Variants in SORCS1 observed in about 807,000 individuals in gnomAD.
SORCS1 encodes VPS10 domain-containing receptor SorCS1.
Under a neutral mutation model 146.1 loss-of-function variants are expected in SORCS1, and 60 were observed. The observed-to-expected ratio is 0.41, with a 90% CI of 0.33 to 0.51. SORCS1 has a LOEUF of 0.51. Ranked by LOEUF, SORCS1 falls within the 20% of genes least tolerant of loss-of-function variation. The pLI is 0.21. For missense variants in SORCS1, 1,352 were observed against 1,487.6 expected, an observed-to-expected ratio of 0.91 and a Z score of 1.50; for synonymous variants, 637 against 584.0, an observed-to-expected ratio of 1.09 and a Z score of -1.31.
At chr10:107,082,517 G>A (rs60723369) in intron 1 of SORCS1, among the ~76,000 whole-genome samples, 29,247 of 151,110 alleles carry the variant, frequency 0.19, 3,089 homozygotes, top group African/African-American at 0.25. Flanking sequence ...ACGCTCTGTC[G>A]CACAAACTGG....
intron 1 of SORCS1, among the ~76,000 whole-genome samples, chr10:107,032,674 T>C (rs1013390582): frequency 1.3e-5 from 2 of 152,194 alleles, no homozygotes; most frequent in Non-Finnish European, 2.9e-5. Flanking sequence ...AGAGGGGTCT[T>C]GTGAGTTGGG....
chr10:106,722,937 T>C (rs1217966050), intron 6 of SORCS1, among the ~76,000 whole-genome samples: 1 of 152,234 alleles, frequency 6.6e-6, no homozygotes, highest in Non-Finnish European at 1.5e-5. Context: ...TGCATTCATC[T>C]GTTAGTGCTC....
chr10:106,588,782 A>G (rs1462382348), intron 24 of SORCS1, among the ~76,000 whole-genome samples: 3 of 146,020 alleles, frequency 2.1e-5, no homozygotes, highest in Non-Finnish European at 4.5e-5. Flanking sequence ...AATGGCGTGA[A>G]CCCAGGAGGC....
At chr10:106,821,464 T>C (rs1401421181) in intron 3 of SORCS1, among the ~76,000 whole-genome samples, 1 of 152,240 alleles carries the variant, frequency 6.6e-6, no homozygotes, top group African/African-American at 2.4e-5. Context: ...GTCAATAACA[T>C]ATAAACTTGA....
chr10:107,129,469 T>C (rs1354380961), intron 1 of SORCS1, among the ~76,000 whole-genome samples: 1 of 152,268 alleles, frequency 6.6e-6, no homozygotes, highest in Non-Finnish European at 1.5e-5. Context: ...ACTCTGTTGT[T>C]ATCAAAGGCT....
chr10:106,780,977 CTTTT>C (rs3045084), intron 3 of SORCS1, among the ~76,000 whole-genome samples: 7,259 of 146,100 alleles, frequency 0.05, 259 homozygotes, highest in East Asian at 0.11. Context: ...GTCACTTCTC[CTTTT>C]TTTTTTTTTT....
At position 107,137,881 on chromosome 10, in the gene SORCS1, T is replaced by A. The variant is rs943521088; in HGVS notation, c.558+26088A>T. On this transcript the variant is annotated intron_variant, in intron 1 of 25. Coordinates refer to ENST00000263054, the MANE Select transcript of SORCS1 (RefSeq NM_052918.5). ...CCGTCTCAAAAAAAAAAAAAAAAAA[T>A]TCAATACTGTTAATTTTATACGCTT... 1.6e-4 allele frequency among the ~76,000 whole-genome samples: 23 copies of A among 147,464 alleles called. No homozygotes were observed. The East Asian group carries it at 3.6e-3, about 23-fold the overall frequency.
chr10:106,720,597 C>T (rs562025626), intron 6 of SORCS1, among the ~76,000 whole-genome samples: 23 of 150,656 alleles, frequency 1.5e-4, no homozygotes, highest in Admixed American at 1.3e-3. Context: ...TTTTTTAAGC[C>T]GGAGCCAGAA....
intron 3 of SORCS1, among the ~76,000 whole-genome samples, chr10:106,821,889 T>C (rs1177938797): frequency 6.7e-6 from 1 of 150,350 alleles, no homozygotes; most frequent in Non-Finnish European, 1.5e-5. Flanking sequence ...GCCACTGCAC[T>C]CCAGCCTGGG....
At chr10:106,889,533 G>GT (rs1254818020) in intron 2 of SORCS1, among the ~76,000 whole-genome samples, 1 of 152,026 alleles carries the variant, frequency 6.6e-6, no homozygotes, top group Non-Finnish European at 1.5e-5. Flanking sequence ...GGAGGCCGAG[G>GT]TGGGCAGATC....
Position 107,074,217 on chromosome 10 carries a change from C to T in SORCS1, c.558+89752G>A, listed in dbSNP as rs549302558. On this transcript the variant is annotated intron_variant, in intron 1 of 25. Coordinates refer to ENST00000263054, the MANE Select transcript of SORCS1 (RefSeq NM_052918.5). ...TTCATCTCCTGCACTCCCCCAACAC[C>T]GGGCAACCACTCATCTTTTTACTGT... Among the ~76,000 whole-genome samples, 23 of 152,302 alleles carry T rather than the reference C, an allele frequency of 1.5e-4. No individual in the cohort carries two copies. In the South Asian group the frequency reaches 2.7e-3, roughly 18 times the overall value.
At chr10:106,929,506 T>G (rs1953276567) in intron 2 of SORCS1, among the ~76,000 whole-genome samples, 2 of 152,292 alleles carry the variant, frequency 1.3e-5, no homozygotes, top group South Asian at 2.1e-4. Context: ...CCCTGTCTCT[T>G]TTCTTTTTCC....
chr10:106,610,075 G>T (rs1472345936), intron 22 of SORCS1, among the ~76,000 whole-genome samples: 1 of 152,194 alleles, frequency 6.6e-6, no homozygotes, highest in African/African-American at 2.4e-5. Context: ...TAGTCTGGTA[G>T]TCGTGCCTCC....
At chr10:106,799,778 T>C (rs1002037116) in intron 3 of SORCS1, among the ~76,000 whole-genome samples, 7 of 152,212 alleles carry the variant, frequency 4.6e-5, no homozygotes, top group Admixed American at 2.6e-4. Flanking sequence ...TTTCCACTGT[T>C]GGTGGGACTG....
intron 1 of SORCS1, among the ~76,000 whole-genome samples, chr10:107,100,883 GA>G (rs1215862819): frequency 2.0e-5 from 3 of 152,138 alleles, no homozygotes; most frequent in Non-Finnish European, 4.4e-5. Flanking sequence ...AGAAATAATG[GA>G]AATGTATTTT....
chr10:106,706,442 A>C, intron 8 of SORCS1, 103 bp downstream of exon 8: 1 of 1,132,712 alleles, frequency 8.8e-7, no homozygotes. Context: ...ATGTAAAGAA[A>C]ACATGACTAT....
At chr10:106,922,996 T>C (rs10786982) in intron 2 of SORCS1, among the ~76,000 whole-genome samples, 135,171 of 151,738 alleles carry the variant, frequency 0.89, 61,515 homozygotes, top group Non-Finnish European at 1. Flanking sequence ...TCAAGCAATT[T>C]CCCTGCTTCA....
intron 1 of SORCS1, among the ~76,000 whole-genome samples, chr10:107,015,541 A>G (rs2139787683): frequency 6.6e-6 from 1 of 152,348 alleles, no homozygotes; most frequent in African/African-American, 2.4e-5. Context: ...GGAGAGTGAC[A>G]GTTCTGGAAT....
chr10:106,965,046 C>T lies in SORCS1; in HGVS notation c.559-8466G>A, dbSNP rs992748183. 1.3e-4 allele frequency among the ~76,000 whole-genome samples: 19 copies of T among 151,830 alleles called. 1 individual carries two copies. Among genetic ancestry groups the T allele is most frequent in the African/African-American group, 4.1e-4 (17 of 41,378 alleles). On this transcript the variant is annotated intron_variant, in intron 1 of 25. Transcript: ENST00000263054. ...CATATAGCAGGAAGTCCAGAGTTTA[C>T]GCAGTTCCAGGACTAATTTAGCCCA...
Sources: gnomAD v4.1 joint callset for allele counts (sites outside exome capture counted in the v4.1 genomes callset) on GRCh38, gnomAD v4.1.1 for gene constraint, MANE v1.5 for transcripts, NCBI Gene and HGNC (gene_info 2026-07-23, HGNC 2026-07-21) for gene names.